MAF: variants seen among roughly 807,000 people sequenced by gnomAD.
The protein encoded by MAF is MAF bZIP transcription factor.
MAF carries 10 observed loss-of-function variants against 22.0 expected under a neutral mutation model. The ratio of observed to expected loss-of-function variants is 0.45; its 90% CI spans 0.28 to 0.77. The LOEUF is 0.77. Among genes scored for constraint, MAF ranks in the 30% least tolerant of loss-of-function variants. The pLI, the probability that MAF is intolerant of heterozygous loss-of-function variation, is 0.12. For synonymous variants in MAF, 337 were observed against 255.8 expected (o/e 1.32, Z -3.03); for missense variants, 544 against 548.4 (o/e 0.99, Z 0.08).
the MAF span, among the ~76,000 whole-genome samples, chr16:79,484,661 G>C: frequency 6.6e-6 from 1 of 152,146 alleles, no homozygotes; most frequent in African/African-American, 2.4e-5. Flanking sequence ...CCCCTCGTTG[G>C]TCCAGCTTTG....
At chr16:79,210,687 C>A in the MAF span, among the ~76,000 whole-genome samples, 2 of 152,078 alleles carry the variant, frequency 1.3e-5, no homozygotes, top group Non-Finnish European at 2.9e-5. Flanking sequence ...ACCATGTCTC[C>A]CTCTGAACAG....
At chr16:79,564,026 A>G in the MAF span, among the ~76,000 whole-genome samples, 2 of 152,244 alleles carry the variant, frequency 1.3e-5, no homozygotes, top group Non-Finnish European at 2.9e-5. Context: ...CAAAGGAAAA[A>G]AGAGAGACCT....
chr16:79,593,498 A>G (rs1459931405), downstream of MAF, among the ~76,000 whole-genome samples: 1 of 152,226 alleles, frequency 6.6e-6, no homozygotes, highest in Non-Finnish European at 1.5e-5. Context: ...TGACTGGGGT[A>G]AAGGCACAAG....
the MAF span, among the ~76,000 whole-genome samples, chr16:79,249,643 G>C: frequency 5.3e-5 from 8 of 152,236 alleles, 1 homozygote; most frequent in Middle Eastern, 3.4e-3. Context: ...AGTCTGAACA[G>C]ACTAAGACAA....
At chr16:79,451,223 T>C in the MAF span, among the ~76,000 whole-genome samples, 1 of 152,248 alleles carries the variant, frequency 6.6e-6, no homozygotes, top group South Asian at 2.1e-4. Flanking sequence ...CTAGGCATTG[T>C]GCTAACTGGA....
At chr16:79,518,318 G>A in the MAF span, among the ~76,000 whole-genome samples, 2 of 152,338 alleles carry the variant, frequency 1.3e-5, no homozygotes, top group South Asian at 4.1e-4. Context: ...TCGATGGCTT[G>A]CCTGGGAATT....
the MAF span, among the ~76,000 whole-genome samples, chr16:79,284,214 G>A: frequency 7.9e-5 from 12 of 152,056 alleles, no homozygotes; most frequent in Non-Finnish European, 1.0e-4. Context: ...ACCTCCATCC[G>A]CCTTCTACCC....
At chr16:79,555,700 G>T in the MAF span, among the ~76,000 whole-genome samples, 2 of 152,160 alleles carry the variant, frequency 1.3e-5, no homozygotes, top group Admixed American at 1.3e-4. Context: ...TCAGATTAGG[G>T]ATACTCAGTC....
the MAF span, among the ~76,000 whole-genome samples, chr16:79,236,067 C>G: frequency 6.6e-6 from 1 of 152,106 alleles, no homozygotes; most frequent in East Asian, 1.9e-4. Context: ...CTCCCATAGT[C>G]CATGCTAGCT....
At chr16:79,332,884 C>G in the MAF span, among the ~76,000 whole-genome samples, 1 of 152,202 alleles carries the variant, frequency 6.6e-6, no homozygotes, top group African/African-American at 2.4e-5. Flanking sequence ...CCCAAGGTCA[C>G]CTGCCCCACA....
the MAF span, among the ~76,000 whole-genome samples, chr16:79,336,768 C>T: frequency 3.3e-5 from 5 of 152,106 alleles, no homozygotes; most frequent in Non-Finnish European, 7.4e-5. Flanking sequence ...ATTTTCTTTT[C>T]TTCTGTAATT....
At chr16:79,270,098 G>A in the MAF span, among the ~76,000 whole-genome samples, 7 of 152,072 alleles carry the variant, frequency 4.6e-5, no homozygotes, top group African/African-American at 1.7e-4. Context: ...TCTTCTCGGG[G>A]TGGGTGGAAG....
chr16:79,230,113 A>C, the MAF span, among the ~76,000 whole-genome samples: 2 of 152,172 alleles, frequency 1.3e-5, no homozygotes, highest in Admixed American at 6.6e-5. Flanking sequence ...AAACACATAC[A>C]TGCTGAGTGA....
At chr16:79,360,774 T>C in the MAF span, among the ~76,000 whole-genome samples, 2 of 151,716 alleles carry the variant, frequency 1.3e-5, no homozygotes, top group Non-Finnish European at 2.9e-5. Flanking sequence ...CAAGAAGGAG[T>C]GGAACAAGGA....
chr16:79,532,109 G>A, the MAF span, among the ~76,000 whole-genome samples: 1 of 152,164 alleles, frequency 6.6e-6, no homozygotes, highest in Non-Finnish European at 1.5e-5. Flanking sequence ...AAATATATTT[G>A]TCATTTATCT....
At chr16:79,361,722 C>A in the MAF span, among the ~76,000 whole-genome samples, 66,693 of 151,764 alleles carry the variant, frequency 0.44, 16,181 homozygotes, top group Non-Finnish European at 0.57. Context: ...ATTTGGTGGT[C>A]TTTCATCTCC....
chr16:79,246,712 G>A, the MAF span, among the ~76,000 whole-genome samples: 1 of 152,104 alleles, frequency 6.6e-6, no homozygotes, highest in Non-Finnish European at 1.5e-5. Flanking sequence ...GTCAATATGT[G>A]GTAAATAATC....
At chr16:79,533,672 G>A in the MAF span, among the ~76,000 whole-genome samples, 11 of 152,042 alleles carry the variant, frequency 7.2e-5, no homozygotes, top group Non-Finnish European at 1.5e-4. Context: ...CTGCTAGGGG[G>A]GAAAATAACA....
the MAF span, among the ~76,000 whole-genome samples, chr16:79,384,312 G>A: frequency 1.3e-5 from 2 of 152,044 alleles, no homozygotes; most frequent in Admixed American, 6.6e-5. Context: ...AGGTGTGGTG[G>A]TGGACACCTG....
Sources: allele counts gnomAD v4.1 joint callset (sites outside exome capture counted in the v4.1 genomes callset), GRCh38; gene constraint gnomAD v4.1.1; transcripts MANE v1.5; gene names NCBI Gene and HGNC (gene_info 2026-07-23, HGNC 2026-07-21).